The following WDHD1 variants were observed in gnomAD, a reference collection of about 807,000 sequenced individuals.
WDHD1 encodes the protein WD repeat and HMG-box DNA binding protein 1, also known as WD repeat and HMG-box DNA-binding protein 1.
A neutral mutation model predicts 135.4 loss-of-function variants in WDHD1; 111 were observed. That is an observed-to-expected ratio of 0.82 (90% confidence interval 0.70 to 0.96). The LOEUF (loss-of-function observed/expected upper bound fraction) is 0.96, where lower values mean the gene tolerates loss of function less well. WDHD1 is among the 40% of genes least tolerant of loss of function. The pLI is 0.00. For missense variants in WDHD1, 1,351 were observed against 1,336.3 expected (o/e 1.01, Z -0.17); for synonymous variants, 434 against 439.0 (o/e 0.99, Z 0.14).
chr14:54,989,236 TAA>T (rs748772724), intron 12 of WDHD1, 24 bp from the exon 13 acceptor site: 1 of 1,576,316 alleles, frequency 6.3e-7, no homozygotes, highest in Admixed American at 1.8e-5. Context: ...AGATTAAATA[TAA>T]GTCTGAGAAA....
intron 23 of WDHD1, 25 bp downstream of exon 23, chr14:54,957,009 C>A: frequency 1.2e-6 from 2 of 1,605,970 alleles, no homozygotes; most frequent in Non-Finnish European, 1.7e-6. Context: ...CTGCTTACTG[C>A]AGATGAGGGT....
chr14:55,023,673 G>A (rs966118195), intron 2 of WDHD1, among the ~76,000 whole-genome samples: 1 of 152,164 alleles, frequency 6.6e-6, no homozygotes, highest in Non-Finnish European at 1.5e-5. Context: ...GCAATTTACT[G>A]GAGAGACAAA....
chr14:54,951,445 G>C (rs957800131), intron 24 of WDHD1, among the ~76,000 whole-genome samples: 6 of 151,850 alleles, frequency 4.0e-5, no homozygotes, highest in African/African-American at 9.7e-5. Flanking sequence ...AAGACTAAAC[G>C]AGGAAGAAGT....
chr14:54,944,222 T>C, intron 25 of WDHD1, 110 bp downstream of exon 25: 1 of 1,410,050 alleles, frequency 7.1e-7, no homozygotes. Context: ...CCTCCCAATG[T>C]GCTAGGATTA....
In WDHD1 at chr14:54,957,573, A is replaced by G. The variant is rs750111288; in HGVS notation, c.2745+19T>C. 22 of 1,578,582 alleles carry G rather than the reference A, an allele frequency of 1.4e-5. No homozygotes were observed. The highest frequency in any genetic ancestry group is 1.8e-5 in the Non-Finnish European group (21 of 1,163,344). On this transcript the variant is annotated intron_variant, in intron 22 of 25. Coordinates refer to ENST00000360586, the MANE Select transcript of WDHD1 (RefSeq NM_007086.4). ...CAAATGTATTTAAATAATATAAAAC[A>G]TCACTTGGAAGAGTTTACCTTAAAG...
chr14:54,954,192 A>G (rs1207567952), intron 24 of WDHD1, among the ~76,000 whole-genome samples: 1 of 152,062 alleles, frequency 6.6e-6, no homozygotes, highest in East Asian at 1.9e-4. Context: ...AGGCTGAGGC[A>G]GGAGAATCGC....
intron 21 of WDHD1, among the ~76,000 whole-genome samples, chr14:54,958,200 C>T (rs1208238968): frequency 6.7e-6 from 1 of 148,150 alleles, no homozygotes; most frequent in Non-Finnish European, 1.5e-5. Context: ...GATCTCGGCT[C>T]ACTGCAAAGT....
chr14:55,011,929 A>T (rs1350729922), intron 3 of WDHD1, among the ~76,000 whole-genome samples: 1 of 152,086 alleles, frequency 6.6e-6, no homozygotes, highest in Non-Finnish European at 1.5e-5. Context: ...ATCCTTTTCC[A>T]CATAAACTTG....
intron 24 of WDHD1, among the ~76,000 whole-genome samples, chr14:54,953,064 T>G (rs1366674731): frequency 6.6e-6 from 1 of 152,058 alleles, no homozygotes; most frequent in East Asian, 1.9e-4. Context: ...TATAGGAATG[T>G]GCAAGGACTT....
At chr14:55,002,236 T>C in intron 7 of WDHD1, 51 bp from the exon 8 acceptor site, 1 of 1,331,752 alleles carries the variant, frequency 7.5e-7, no homozygotes, top group Non-Finnish European at 1.0e-6. Flanking sequence ...AAATTGAATT[T>C]GAAGAAGGAA....
intron 2 of WDHD1, among the ~76,000 whole-genome samples, chr14:55,024,705 G>GTGCTGTGTCAACTC (rs2042403818): frequency 6.8e-6 from 1 of 146,668 alleles, no homozygotes; most frequent in Non-Finnish European, 1.5e-5. Context: ...TCTCTGAAAC[G>GTGCTGTGTCAACTC]TGTGCTGTGT....
intron 2 of WDHD1, among the ~76,000 whole-genome samples, chr14:55,026,025 C>T (rs1407311577): frequency 2.0e-5 from 3 of 152,210 alleles, no homozygotes; most frequent in Non-Finnish European, 4.4e-5. Context: ...TCTAAATACA[C>T]ATTTATTTTT....
chr14:55,011,376 A>G (rs997378222), intron 3 of WDHD1, among the ~76,000 whole-genome samples: 4 of 151,754 alleles, frequency 2.6e-5, no homozygotes, highest in African/African-American at 7.3e-5. Context: ...CTAAAATTAC[A>G]AAAAAATTAG....
chr14:54,965,367 C>G (rs538178942), intron 18 of WDHD1, among the ~76,000 whole-genome samples: 177 of 152,330 alleles, frequency 1.2e-3, no homozygotes, highest in Admixed American at 1.8e-3. Flanking sequence ...ATTCTAGACA[C>G]CAAACCTGGC....
intron 4 of WDHD1, among the ~76,000 whole-genome samples, chr14:55,009,903 C>T (rs2042138320): frequency 6.6e-6 from 1 of 152,158 alleles, no homozygotes; most frequent in South Asian, 2.1e-4. Flanking sequence ...TCACTGCAAC[C>T]TCTGCCTCCT....
intron 24 of WDHD1, 136 bp downstream of exon 24, chr14:54,955,425 C>T: frequency 1.4e-6 from 1 of 727,970 alleles, no homozygotes; most frequent in Non-Finnish European, 1.9e-6. Context: ...CTTATAGTCA[C>T]AAGTGTCCAG....
In WDHD1 at chr14:55,007,287, C is replaced by A; in HGVS notation, c.593G>T (p.Ser198Ile). The A allele has an allele frequency of 6.3e-7, 1 of 1,581,746 alleles. No homozygotes were observed. Among genetic ancestry groups the A allele is most frequent in the East Asian group, 2.3e-5 (1 of 44,068 alleles). Residue 198 changes from serine to isoleucine, a missense_variant, in exon 7 of 26, where the codon AGT becomes ATT. Physicochemically the swap from Ser to Ile is moderately radical, Grantham distance 142 (BLOSUM62 -2). Transcript: ENST00000360586. ...AAAATAAGAATCACTTACCTTCCCA[C>A]TTTTTGGCTGCCAAGCAAGTCTGCA... The part of the protein sequence containing the change: ...SICRLAWQPK[S>I]GKLLAIPVEK...
intron 24 of WDHD1, 148 bp downstream of exon 24, chr14:54,955,413 T>A (rs2041136150): frequency 1.7e-6 from 1 of 576,950 alleles, no homozygotes; most frequent in African/African-American, 1.9e-5. Flanking sequence ...ATTTGTGGCT[T>A]CCTTATAGTC....
At chr14:54,948,859 T>C (rs1308051800) in intron 24 of WDHD1, among the ~76,000 whole-genome samples, 2 of 152,180 alleles carry the variant, frequency 1.3e-5, no homozygotes, top group Admixed American at 6.5e-5. Context: ...ATATTTGCTG[T>C]TCTGCAGCCT....
Sources: gnomAD v4.1 joint callset for allele counts (sites outside exome capture counted in the v4.1 genomes callset) on GRCh38, gnomAD v4.1.1 for gene constraint, MANE v1.5 for transcripts, NCBI Gene and HGNC (gene_info 2026-07-23, HGNC 2026-07-21) for gene names.